Variants in CTNNBL1 observed in about 807,000 individuals in gnomAD.
The protein encoded by CTNNBL1 is catenin beta like 1.
A neutral mutation model predicts 72.7 loss-of-function variants in CTNNBL1; 31 were observed. The observed-to-expected ratio is 0.43, with a 90% CI of 0.32 to 0.58. The LOEUF (loss-of-function observed/expected upper bound fraction) is 0.58, where lower values mean the gene tolerates loss of function less well. Among genes scored for constraint, CTNNBL1 ranks in the 20% least tolerant of loss-of-function variants. The probability of loss-of-function intolerance (pLI) is 0.08; values close to 1 mark genes in which losing one functional copy is unlikely to be tolerated. For missense variants in CTNNBL1, 534 were observed against 725.1 expected (o/e 0.74, Z 3.03); for synonymous variants, 240 against 267.3 (o/e 0.90, Z 1.00).
chr20:37,696,690 G>A (rs1436980321), intron 1 of CTNNBL1, among the ~76,000 whole-genome samples: 1 of 151,766 alleles, frequency 6.6e-6, no homozygotes, highest in Non-Finnish European at 1.5e-5. Context: ...TGATCTGCCA[G>A]CCTTGGCCTC....
intron 13 of CTNNBL1, among the ~76,000 whole-genome samples, chr20:37,858,172 G>A (rs2072459632): frequency 1.3e-5 from 2 of 152,218 alleles, no homozygotes; most frequent in Non-Finnish European, 2.9e-5. Flanking sequence ...ACTCCAGACT[G>A]GATGACAGTA....
chr20:37,729,359 G>T (rs1158171284), intron 1 of CTNNBL1, among the ~76,000 whole-genome samples: 1 of 152,188 alleles, frequency 6.6e-6, no homozygotes, highest in African/African-American at 2.4e-5. Flanking sequence ...TTGAAGTTCT[G>T]CAGAAGGAAA....
chr20:37,826,159 G>A lies in CTNNBL1; in HGVS notation c.1214-13943G>A, dbSNP rs556572927. ...GGTCTGTTCCCTCTGCATTCATAGA[G>A]AGAAGTAATGTAGCACAGAAAAGCA... On this transcript the variant is annotated intron_variant, in intron 11 of 15. Coordinates refer to ENST00000361383, the MANE Select transcript of CTNNBL1 (RefSeq NM_030877.5). 2.0e-5 allele frequency among the ~76,000 whole-genome samples: 3 copies of A among 152,340 alleles called. No individual in the cohort carries two copies. The South Asian group carries it at 6.2e-4, about 32-fold the overall frequency.
chr20:37,870,718 C>A (rs1414264666), intron 15 of CTNNBL1, among the ~76,000 whole-genome samples: 1 of 152,190 alleles, frequency 6.6e-6, no homozygotes, highest in African/African-American at 2.4e-5. Flanking sequence ...CACGTCATTC[C>A]TTTCTGCTCA....
At chr20:37,807,803 G>T (rs1035639049) in intron 11 of CTNNBL1, among the ~76,000 whole-genome samples, 5 of 152,168 alleles carry the variant, frequency 3.3e-5, no homozygotes, top group African/African-American at 1.2e-4. Flanking sequence ...GCCCTTGGGT[G>T]CACTAGCATG....
At chr20:37,739,005 A>G (rs970329729) in intron 3 of CTNNBL1, among the ~76,000 whole-genome samples, 2 of 152,168 alleles carry the variant, frequency 1.3e-5, no homozygotes, top group Non-Finnish European at 2.9e-5. Context: ...GTAGCTATTA[A>G]TAGATCAGGG....
chr20:37,742,430 A>G (rs1178342730), intron 3 of CTNNBL1, among the ~76,000 whole-genome samples: 1 of 152,152 alleles, frequency 6.6e-6, no homozygotes, highest in African/African-American at 2.4e-5. Flanking sequence ...TCATGTTCTG[A>G]TTTGTATTAC....
chr20:37,866,466 T>C (rs1205153313), intron 15 of CTNNBL1, among the ~76,000 whole-genome samples: 1 of 152,194 alleles, frequency 6.6e-6, no homozygotes, highest in Non-Finnish European at 1.5e-5. Flanking sequence ...CCTGCATCTG[T>C]AAGATGGGGA....
chr20:37,793,872 CAG>C (rs2073746827), intron 10 of CTNNBL1, among the ~76,000 whole-genome samples: 1 of 152,056 alleles, frequency 6.6e-6, no homozygotes, highest in Non-Finnish European at 1.5e-5. Context: ...CCTCTGCCTT[CAG>C]GGTTCAAGCA....
At chr20:37,748,610 T>G (rs760090480) in intron 4 of CTNNBL1, among the ~76,000 whole-genome samples, 6 of 152,190 alleles carry the variant, frequency 3.9e-5, no homozygotes, top group Non-Finnish European at 8.8e-5. Context: ...CAAAATACCG[T>G]AAACTGGGTG....
intron 5 of CTNNBL1, among the ~76,000 whole-genome samples, chr20:37,760,476 T>C (rs1600470478): frequency 6.6e-6 from 1 of 152,238 alleles, no homozygotes; most frequent in Non-Finnish European, 1.5e-5. Flanking sequence ...TCTAGCACTT[T>C]GTACATTCTG....
At chr20:37,711,974 C>A (rs78932676) in intron 1 of CTNNBL1, among the ~76,000 whole-genome samples, 3,419 of 152,220 alleles carry the variant, frequency 0.022, 129 homozygotes, top group African/African-American at 0.078. Context: ...TCGAGTGACA[C>A]AATTTGGTTT....
chr20:37,738,535 C>A (rs537507194), intron 3 of CTNNBL1, among the ~76,000 whole-genome samples: 7 of 152,294 alleles, frequency 4.6e-5, no homozygotes, highest in African/African-American at 1.7e-4. Flanking sequence ...CTATCTTTGT[C>A]CCTCCCAGGA....
intron 15 of CTNNBL1, 96 bp downstream of exon 15, chr20:37,860,440 G>A (rs1040491940): frequency 8.0e-5 from 81 of 1,011,940 alleles, no homozygotes; most frequent in Middle Eastern, 2.1e-4. Flanking sequence ...GATGTGGAGC[G>A]TTTTCTGCAC....
At chr20:37,871,117 GACTCAAT>G (rs1414527692) in intron 15 of CTNNBL1, among the ~76,000 whole-genome samples, 1 of 152,164 alleles carries the variant, frequency 6.6e-6, no homozygotes, top group Non-Finnish European at 1.5e-5. Flanking sequence ...ATCACCTGGA[GACTCAAT>G]AAATCCCAGA....
At chr20:37,861,550 G>A (rs1423669609) in intron 15 of CTNNBL1, among the ~76,000 whole-genome samples, 1 of 152,238 alleles carries the variant, frequency 6.6e-6, no homozygotes, top group African/African-American at 2.4e-5. Context: ...CTAAGATGAA[G>A]GACTAGGCTA....
At chr20:37,694,240 G>A in intron 1 of CTNNBL1, 88 bp downstream of exon 1, 1 of 1,235,582 alleles carries the variant, frequency 8.1e-7, no homozygotes. Context: ...ACCTCCTCTC[G>A]CCTCACTCCC....
intron 10 of CTNNBL1, among the ~76,000 whole-genome samples, chr20:37,789,519 C>T (rs1305011834): frequency 6.6e-6 from 1 of 152,196 alleles, no homozygotes; most frequent in African/African-American, 2.4e-5. Flanking sequence ...CAAAATTATA[C>T]TTACCTGGGG....
intron 15 of CTNNBL1, among the ~76,000 whole-genome samples, chr20:37,868,630 T>A (rs2072557040): frequency 6.6e-6 from 1 of 152,206 alleles, no homozygotes; most frequent in Non-Finnish European, 1.5e-5. Context: ...TTAGCACAGT[T>A]GGAGTGACAC....
Sources: gnomAD v4.1 joint callset for allele counts (sites outside exome capture counted in the v4.1 genomes callset) on GRCh38, gnomAD v4.1.1 for gene constraint, MANE v1.5 for transcripts, NCBI Gene and HGNC (gene_info 2026-07-23, HGNC 2026-07-21) for gene names.